Variants in BLNK observed in about 807,000 individuals in gnomAD.
BLNK encodes B cell linker.
In BLNK, 29 loss-of-function variants were observed where a neutral mutation model predicts 73.5. The observed-to-expected ratio is 0.39, with a 90% confidence interval of 0.29 to 0.54. The LOEUF (loss-of-function observed/expected upper bound fraction) is 0.54. BLNK is among the 20% of genes least tolerant of loss of function. The probability of loss-of-function intolerance (pLI) is 0.61; values close to 1 mark genes in which losing one functional copy is unlikely to be tolerated. For missense variants in BLNK, 460 were observed against 562.8 expected (o/e 0.82, Z 1.85); for synonymous variants, 176 against 200.8 (o/e 0.88, Z 1.04).
chr10:96,240,662 G>A (rs1892191), intron 3 of BLNK, among the ~76,000 whole-genome samples: 42,950 of 152,012 alleles, frequency 0.28, 7,397 homozygotes, highest in Admixed American at 0.4. Flanking sequence ...AGGGCTGCCT[G>A]TCCCTTGCTA....
At chr10:96,208,238 T>A (rs782561937) in intron 9 of BLNK, among the ~76,000 whole-genome samples, 1 of 152,092 alleles carries the variant, frequency 6.6e-6, no homozygotes, top group African/African-American at 2.4e-5. Context: ...CACCTGTCAA[T>A]TGAGGACCAG....
chr10:96,227,276 G>A, intron 5 of BLNK, 134 bp downstream of exon 5: 1 of 1,170,074 alleles, frequency 8.5e-7, no homozygotes, highest in Non-Finnish European at 1.2e-6. Flanking sequence ...TCCCCTGCTT[G>A]GAGGTGGCGG....
intron 1 of BLNK, among the ~76,000 whole-genome samples, chr10:96,259,162 T>G (rs1554911980): frequency 6.6e-6 from 1 of 152,230 alleles, no homozygotes; most frequent in East Asian, 1.9e-4. Flanking sequence ...GTTGCCTCTT[T>G]GGATACCTTC....
chr10:96,268,207 C>G (rs1844100995), intron 1 of BLNK, among the ~76,000 whole-genome samples: 1 of 152,098 alleles, frequency 6.6e-6, no homozygotes, highest in Non-Finnish European at 1.5e-5. Flanking sequence ...GATGATGAAT[C>G]AATTGGGAGG....
At chr10:96,239,476 A>G (rs907305622) in intron 3 of BLNK, among the ~76,000 whole-genome samples, 4 of 152,240 alleles carry the variant, frequency 2.6e-5, no homozygotes, top group East Asian at 1.9e-4. Context: ...ATGTAGAGCC[A>G]TGAAAAGATT....
chr10:96,206,293 C>G (rs587689292), intron 11 of BLNK, among the ~76,000 whole-genome samples: 1 of 152,200 alleles, frequency 6.6e-6, no homozygotes, highest in South Asian at 2.1e-4. Flanking sequence ...GCATGAACTT[C>G]TATATAATGT....
chr10:96,207,808 A>G (rs1244962341), intron 10 of BLNK, 64 bp downstream of exon 10: 3 of 1,585,680 alleles, frequency 1.9e-6, no homozygotes, highest in Non-Finnish European at 2.6e-6. Flanking sequence ...TCAACTTTAA[A>G]TAAATGGATA....
Position 96,190,938 on chromosome 10 carries a change from A to G in BLNK, c.*1035T>C, listed in dbSNP as rs1448838854. 6.6e-6 allele frequency among the ~76,000 whole-genome samples: 1 copy of G among 152,058 alleles called. No individual in the cohort carries two copies. The highest frequency in any genetic ancestry group is 2.4e-5 in the African/African-American group (1 of 41,396). On this transcript the variant is annotated 3_prime_UTR_variant, in exon 17 of 17. Transcript: ENST00000224337. Reference sequence around the variant, plus strand: ...AGCTTTGCTGTCATTCCACTTTGAAACTTGATATGGTTTGGCTGTGTCCTC... The same window carrying G: ...AGCTTTGCTGTCATTCCACTTTGAAGCTTGATATGGTTTGGCTGTGTCCTC...
In BLNK at chr10:96,264,143, C is replaced by T. The variant is rs116246252; in HGVS notation, c.47+7209G>A. Among the ~76,000 whole-genome samples, 1,114 of 152,244 alleles carry T rather than the reference C, an allele frequency of 7.3e-3. 15 individuals carry two copies. Among genetic ancestry groups the T allele is most frequent in the African/African-American group, 0.025 (1,057 of 41,536 alleles). On this transcript the variant is annotated intron_variant, in intron 1 of 16. Transcript: ENST00000224337. ...TGAAAAAACTAAGGCTGCCTTTGAG[C>T]GCTTAAACCTCAACATCTGACAGAG...
chr10:96,256,485 A>C (rs749824808), intron 1 of BLNK, among the ~76,000 whole-genome samples: 1 of 152,014 alleles, frequency 6.6e-6, no homozygotes, highest in African/African-American at 2.4e-5. Context: ...AATGTAATTG[A>C]CTCTGGGTTT....
intron 1 of BLNK, among the ~76,000 whole-genome samples, chr10:96,248,648 G>T (rs188286434): frequency 6.6e-6 from 1 of 152,160 alleles, no homozygotes; most frequent in African/African-American, 2.4e-5. Flanking sequence ...TTATTGCAGC[G>T]TGATGTGTAA....
intron 3 of BLNK, among the ~76,000 whole-genome samples, chr10:96,237,609 C>A (rs587728519): frequency 6.6e-6 from 1 of 152,306 alleles, no homozygotes; most frequent in South Asian, 2.1e-4. Flanking sequence ...CTGGTCTCTC[C>A]CTGACCTCCA....
At chr10:96,198,839 T>C (rs1339370399) in intron 15 of BLNK, among the ~76,000 whole-genome samples, 2 of 152,154 alleles carry the variant, frequency 1.3e-5, no homozygotes, top group Non-Finnish European at 2.9e-5. Context: ...GCTGGGATTA[T>C]AGGCGCCCGC....
chr10:96,218,895 C>T (rs2084129460), intron 6 of BLNK, among the ~76,000 whole-genome samples: 1 of 152,202 alleles, frequency 6.6e-6, no homozygotes, highest in African/African-American at 2.4e-5. Context: ...TCACACATCT[C>T]AATCTGCAGT....
intron 3 of BLNK, chr10:96,238,980 G>A (rs1842794102): frequency 2.5e-6 from 1 of 396,122 alleles, no homozygotes; most frequent in Non-Finnish European, 4.4e-6. Flanking sequence ...GTAGTTCTAG[G>A]GTGGGGCCAA....
At chr10:96,203,273 CTT>C (rs1212424267) in intron 13 of BLNK, among the ~76,000 whole-genome samples, 32 of 152,092 alleles carry the variant, frequency 2.1e-4, no homozygotes, top group Admixed American at 2.1e-3. Flanking sequence ...ATCATTTTCA[CTT>C]TGTGTTGTCA....
At chr10:96,231,885 A>G (rs779932954) in intron 3 of BLNK, among the ~76,000 whole-genome samples, 1 of 152,228 alleles carries the variant, frequency 6.6e-6, no homozygotes, top group Non-Finnish European at 1.5e-5. Context: ...GAGCCCCCAC[A>G]TGGTGCTGCC....
intron 3 of BLNK, among the ~76,000 whole-genome samples, chr10:96,233,806 CCTAT>C (rs1421723979): frequency 6.6e-6 from 1 of 152,196 alleles, no homozygotes; most frequent in Non-Finnish European, 1.5e-5. Context: ...GAAAATAAGG[CCTAT>C]CTAATTTATC....
In BLNK at chr10:96,190,548, C is replaced by T. The variant is rs587754733; in HGVS notation, c.*1425G>A. 3.9e-5 allele frequency among the ~76,000 whole-genome samples: 6 copies of T among 152,322 alleles called. No homozygotes were observed. In the East Asian group the frequency reaches 9.6e-4, roughly 24 times the overall value. On this transcript the variant is annotated 3_prime_UTR_variant, in exon 17 of 17. Coordinates refer to ENST00000224337, the MANE Select transcript of BLNK (RefSeq NM_013314.4). ...GAGGGGACCACAGTTCAATCTGTAA[C>T]ATAGGTGGCAATTATGAAAGTTTAT...
Sources: gnomAD v4.1 joint callset for allele counts (sites outside exome capture counted in the v4.1 genomes callset) on GRCh38, gnomAD v4.1.1 for gene constraint, MANE v1.5 for transcripts, NCBI Gene and HGNC (gene_info 2026-07-23, HGNC 2026-07-21) for gene names.